Variants in NEXN observed in about 807,000 individuals in gnomAD.
NEXN encodes the protein nexilin.
Under a neutral mutation model 92.6 loss-of-function variants are expected in NEXN, and 65 were observed. The observed-to-expected ratio is 0.70, with a 90% CI of 0.57 to 0.86. The LOEUF (loss-of-function observed/expected upper bound fraction) is 0.86, where lower values mean the gene tolerates loss of function less well. NEXN is among the 40% of genes least tolerant of loss of function. The probability of loss-of-function intolerance (pLI) is 0.00; values close to 1 mark genes in which losing one functional copy is unlikely to be tolerated. For synonymous variants in NEXN, 254 were observed against 242.5 expected (o/e 1.05, Z -0.44); for missense variants, 778 against 771.1 (o/e 1.01, Z -0.11).
intron 11 of NEXN, among the ~76,000 whole-genome samples, chr1:77,939,152 A>T (rs994466129): frequency 6.6e-6 from 1 of 152,202 alleles, no homozygotes; most frequent in Non-Finnish European, 1.5e-5. Context: ...CAAACAAAAA[A>T]GGGTTATAGG....
At chr1:77,917,389 A>G (rs1557973630) in intron 2 of NEXN, among the ~76,000 whole-genome samples, 177 bp from the exon 3 acceptor site, 1 of 152,138 alleles carries the variant, frequency 6.6e-6, no homozygotes, top group East Asian at 1.9e-4. Flanking sequence ...GTCATTTTTC[A>G]TAGTTAGGTT....
chr1:77,907,665 T>G (rs566941408), intron 1 of NEXN, among the ~76,000 whole-genome samples: 1 of 152,332 alleles, frequency 6.6e-6, no homozygotes, highest in South Asian at 2.1e-4. Flanking sequence ...ATAGTAAATT[T>G]TTAAAATCAA....
At chr1:77,901,997 A>G (rs1049511877) in intron 1 of NEXN, among the ~76,000 whole-genome samples, 3 of 152,210 alleles carry the variant, frequency 2.0e-5, no homozygotes, top group African/African-American at 7.2e-5. Flanking sequence ...TTTGATAGTT[A>G]TATTTTATCT....
chr1:77,898,807 A>T (rs2102041790), intron 1 of NEXN, among the ~76,000 whole-genome samples: 1 of 152,260 alleles, frequency 6.6e-6, no homozygotes, highest in East Asian at 1.9e-4. Flanking sequence ...ACTCAAACAA[A>T]TTTACAAGAA....
chr1:77,939,815 G>C (rs1379461164), intron 11 of NEXN, among the ~76,000 whole-genome samples: 2 of 152,192 alleles, frequency 1.3e-5, no homozygotes, highest in Non-Finnish European at 2.9e-5. Flanking sequence ...GTTTATGCCT[G>C]TAATTCCCAG....
chr1:77,895,725 T>C (rs140122122), intron 1 of NEXN, among the ~76,000 whole-genome samples: 14 of 152,054 alleles, frequency 9.2e-5, no homozygotes, highest in African/African-American at 3.4e-4. Flanking sequence ...ATTAGCCGGG[T>C]GTGGTAGTGC....
chr1:77,935,797 A>G, intron 10 of NEXN, 26 bp from the exon 11 acceptor site: 1 of 1,596,360 alleles, frequency 6.3e-7, no homozygotes, highest in Non-Finnish European at 8.6e-7. Flanking sequence ...AAACAGCAGC[A>G]ACAAACTTAT....
chr1:77,922,474 A>G (rs906622298), intron 5 of NEXN, among the ~76,000 whole-genome samples: 13 of 152,212 alleles, frequency 8.5e-5, no homozygotes, highest in African/African-American at 2.9e-4. Flanking sequence ...GATCCATTAA[A>G]GATTTTTAGT....
At chr1:77,891,086 TA>T (rs955871691) in intron 1 of NEXN, among the ~76,000 whole-genome samples, 9 of 152,214 alleles carry the variant, frequency 5.9e-5, no homozygotes, top group Admixed American at 5.9e-4. Flanking sequence ...TTGAAATGGC[TA>T]CATTTTCCTT....
intron 11 of NEXN, among the ~76,000 whole-genome samples, chr1:77,939,067 G>T (rs577725565): frequency 2.0e-5 from 3 of 152,204 alleles, no homozygotes; most frequent in African/African-American, 7.2e-5. Flanking sequence ...AGACAGGCAT[G>T]AAGTTGGGGC....
chr1:77,899,599 G>A (rs1043156390), intron 1 of NEXN, among the ~76,000 whole-genome samples: 3 of 151,700 alleles, frequency 2.0e-5, no homozygotes, highest in African/African-American at 7.3e-5. Flanking sequence ...CATGGCACAT[G>A]TATACATATG....
At chr1:77,908,608 C>T (rs1648333306) in intron 1 of NEXN, among the ~76,000 whole-genome samples, 1 of 151,802 alleles carries the variant, frequency 6.6e-6, no homozygotes. Context: ...TCATGTTGGT[C>T]AGGCTGGTCT....
intron 1 of NEXN, among the ~76,000 whole-genome samples, chr1:77,893,984 C>T (rs966861689): frequency 9.9e-5 from 15 of 152,058 alleles, no homozygotes; most frequent in Admixed American, 8.5e-4. Flanking sequence ...TTCGCCACCA[C>T]GCCTGGCTAA....
At chr1:77,914,389 A>G (rs1027601034) in intron 1 of NEXN, among the ~76,000 whole-genome samples, 5 of 152,130 alleles carry the variant, frequency 3.3e-5, no homozygotes, top group Non-Finnish European at 7.3e-5. Context: ...CTTCTACTCA[A>G]TTTTGCTGTG....
intron 11 of NEXN, among the ~76,000 whole-genome samples, chr1:77,936,864 G>A (rs1456129763): frequency 3.3e-5 from 5 of 152,190 alleles, no homozygotes; most frequent in African/African-American, 1.2e-4. Context: ...CTGAATAAAA[G>A]GACAGAATGA....
Position 77,918,138 on chromosome 1 carries a change from T to A in NEXN, c.312T>A (p.Gly104=). Residue 104 remains glycine (G), a synonymous_variant, in exon 5 of 13, where the codon GGT becomes GGA. Transcript: ENST00000334785. ...ATATATTTTTAGGAACTGTGAAGGG[T>A]AGATTTGCTGAAATGGAGAAACAAA... is the stretch of plus-strand genomic sequence containing the variant. ...YVPKLTGTVK[G]RFAEMEKQRQ... The A allele has an allele frequency of 6.2e-7, 1 of 1,613,776 alleles. No individual in the cohort carries two copies. The highest frequency in any genetic ancestry group is 8.5e-7 in the Non-Finnish European group (1 of 1,179,946).
chr1:77,911,716 TC>T (rs1257106469), intron 1 of NEXN, among the ~76,000 whole-genome samples: 1 of 149,716 alleles, frequency 6.7e-6, no homozygotes, highest in Non-Finnish European at 1.5e-5. Flanking sequence ...TAGACTTGGG[TC>T]CTATCCCCAA....
chr1:77,913,304 G>C (rs866909566), intron 1 of NEXN, among the ~76,000 whole-genome samples: 119 of 151,742 alleles, frequency 7.8e-4, no homozygotes, highest in African/African-American at 2.8e-3. Flanking sequence ...AGTCCCAGCT[G>C]CTCGGGAGGC....
chr1:77,942,772 C>A lies in NEXN; in HGVS notation c.1971C>A (p.Val657=). The change falls in exon 13 of 13, where the codon GTC becomes GTA. Residue 657 remains valine, a synonymous_variant. Coordinates refer to ENST00000334785, the MANE Select transcript of NEXN (RefSeq NM_144573.4). ...EDGGEYMCKA[V]NNKGSAASTC... is the part of the protein sequence containing the mutation. Reference sequence around the variant, plus strand: ...GAGGAGAGTATATGTGTAAAGCAGTCAACAATAAAGGATCTGCAGCTAGTA... The same window carrying A: ...GAGGAGAGTATATGTGTAAAGCAGTAAACAATAAAGGATCTGCAGCTAGTA... 1 of 1,613,118 alleles carries A rather than the reference C, an allele frequency of 6.2e-7. No individual in the cohort carries two copies. The highest frequency in any genetic ancestry group is 1.1e-5 in the South Asian group (1 of 90,938).
Sources: gnomAD v4.1 joint callset for allele counts (sites outside exome capture counted in the v4.1 genomes callset) on GRCh38, gnomAD v4.1.1 for gene constraint, MANE v1.5 for transcripts, NCBI Gene and HGNC (gene_info 2026-07-23, HGNC 2026-07-21) for gene names.